CLDN10: variants seen among roughly 807,000 people sequenced by gnomAD.
CLDN10 encodes the protein claudin-10.
Under a neutral mutation model 22.9 loss-of-function variants are expected in CLDN10, and 15 were observed. The observed-to-expected ratio is 0.65, with a 90% confidence interval of 0.44 to 1.01. CLDN10 has a LOEUF of 1.01. Among genes scored for constraint, CLDN10 ranks in the 50% least tolerant of loss-of-function variants. CLDN10 has a pLI of 0.00. For synonymous variants in CLDN10, 114 were observed against 111.4 expected (o/e 1.02, Z -0.15); for missense variants, 247 against 287.8 (o/e 0.86, Z 1.03).
At chr13:95,510,653 T>C (rs1319189340) in intron 1 of CLDN10, among the ~76,000 whole-genome samples, 1 of 152,230 alleles carries the variant, frequency 6.6e-6, no homozygotes, top group African/African-American at 2.4e-5. Flanking sequence ...GGCTTAAGTA[T>C]ATACATATAA....
chr13:95,503,519 C>T (rs1434171355), intron 1 of CLDN10, among the ~76,000 whole-genome samples: 2 of 152,108 alleles, frequency 1.3e-5, no homozygotes, highest in African/African-American at 2.4e-5. Context: ...AAAGCAAGAT[C>T]TCAAAGAGAT....
chr13:95,532,938 A>G (rs1326568377), intron 1 of CLDN10, among the ~76,000 whole-genome samples: 1 of 152,064 alleles, frequency 6.6e-6, no homozygotes, highest in Non-Finnish European at 1.5e-5. Flanking sequence ...AATAGATAAA[A>G]CTAGTCTACT....
intron 1 of CLDN10, among the ~76,000 whole-genome samples, chr13:95,459,137 T>C (rs12864633): frequency 0.3 from 45,639 of 152,174 alleles, 8,440 homozygotes; most frequent in Non-Finnish European, 0.41. Context: ...TGGACAGCTC[T>C]GTTCCTGTGG....
chr13:95,490,326 A>T (rs2042859019), intron 1 of CLDN10, among the ~76,000 whole-genome samples: 1 of 152,118 alleles, frequency 6.6e-6, no homozygotes, highest in Non-Finnish European at 1.5e-5. Context: ...TCATTTTCAC[A>T]ATATTAATTC....
intron 1 of CLDN10, chr13:95,434,139 T>A: frequency 8.9e-7 from 1 of 1,122,082 alleles, no homozygotes; most frequent in Non-Finnish European, 1.3e-6. Flanking sequence ...CTGTTAACTC[T>A]CTGAAGACTG....
intron 1 of CLDN10, among the ~76,000 whole-genome samples, chr13:95,482,939 A>G (rs1481805204): frequency 6.6e-6 from 1 of 152,256 alleles, no homozygotes; most frequent in Non-Finnish European, 1.5e-5. Context: ...AGATCGTGCC[A>G]CTGTACTCCA....
At chr13:95,522,268 C>T (rs982897815) in intron 1 of CLDN10, among the ~76,000 whole-genome samples, 1 of 151,948 alleles carries the variant, frequency 6.6e-6, no homozygotes, top group East Asian at 1.9e-4. Flanking sequence ...ATGGTTATAA[C>T]TTTCCTCTAA....
rs2043985325 is a variant in CLDN10 at position 95,579,513 on chromosome 13, T to A, written c.*1499T>A. 1 of 152,246 alleles carries A rather than the reference T, an allele frequency of 6.6e-6. No individual in the cohort carries two copies. The highest frequency in any genetic ancestry group is 2.4e-5 in the African/African-American group (1 of 41,456). The allele number at this position is 152,246 out of a possible 1,614,324, so 9.4% of individuals were successfully genotyped here. On this transcript the variant is annotated 3_prime_UTR_variant, in exon 5 of 5. Coordinates refer to ENST00000299339, the MANE Select transcript of CLDN10 (RefSeq NM_006984.5). ...TAATTTGCCACAGTAATGTCGAAAC[T>A]AGGCCTTTGAACCAAGGCAGTCTAG...
chr13:95,560,203 C>T lies in CLDN10; in HGVS notation c.292C>T (p.Leu98Phe), dbSNP rs2043689204. Reference protein sequence around the residue: ...SLGFFGSIFALFGMKCTKVGG... With the variant: ...SLGFFGSIFAFFGMKCTKVGG... ...GGGCTTCTTTGGTTCCATATTTGCGCTCTTTGGAATGAAGTGTACCAAAGT... is the reference window on the plus strand; with the variant it reads ...GGGCTTCTTTGGTTCCATATTTGCGTTCTTTGGAATGAAGTGTACCAAAGT... The change falls in exon 2 of 5, where the codon CTC (leucine) becomes TTC (phenylalanine). Residue 98 changes from leucine to phenylalanine, a missense_variant. Leu to Phe is a conservative substitution (Grantham distance 22). Transcript: ENST00000299339. The T allele has an allele frequency of 6.2e-7, 1 of 1,614,190 alleles. No homozygotes were observed. Among genetic ancestry groups the T allele is most frequent in the Non-Finnish European group, 8.5e-7 (1 of 1,180,018 alleles).
chr13:95,525,641 A>G (rs964925190), intron 1 of CLDN10, among the ~76,000 whole-genome samples: 2 of 151,950 alleles, frequency 1.3e-5, no homozygotes, highest in Non-Finnish European at 2.9e-5. Context: ...ACAGGCGTGC[A>G]CCACCGCGCC....
At chr13:95,450,084 A>C (rs2042419792) in intron 1 of CLDN10, among the ~76,000 whole-genome samples, 1 of 152,040 alleles carries the variant, frequency 6.6e-6, no homozygotes, top group South Asian at 2.1e-4. Flanking sequence ...TATGTTGCCC[A>C]GGTAGGTCTT....
intron 1 of CLDN10, among the ~76,000 whole-genome samples, chr13:95,509,689 A>G (rs1009771725): frequency 2.0e-5 from 3 of 152,102 alleles, no homozygotes; most frequent in African/African-American, 7.2e-5. Context: ...GCTTTTCCCT[A>G]CGGTGATTCC....
intron 1 of CLDN10, among the ~76,000 whole-genome samples, chr13:95,533,095 C>G (rs2043362771): frequency 6.6e-6 from 1 of 151,372 alleles, no homozygotes. Context: ...TTATAAATTT[C>G]ATTGTATGTA....
intron 3 of CLDN10, among the ~76,000 whole-genome samples, chr13:95,564,725 A>G (rs1158907830): frequency 6.6e-6 from 1 of 152,228 alleles, no homozygotes; most frequent in Non-Finnish European, 1.5e-5. Flanking sequence ...CATTCCTGCT[A>G]TATGCAAGGA....
Position 95,526,047 on chromosome 13 carries a change from G to T in CLDN10, c.215-34085G>T, listed in dbSNP as rs1388611824. Among the ~76,000 whole-genome samples the T allele has an allele frequency of 3.3e-5, 5 of 152,066 alleles. No homozygotes were observed. In the East Asian group the frequency reaches 9.6e-4, roughly 29 times the overall value. ...AATGTTTTCGCACTTCTCTCTGGAA[G>T]ATATTGTTAACTTTGTCTTCTAAAC... On this transcript the variant is annotated intron_variant, in intron 1 of 4. Transcript: ENST00000376873.
At chr13:95,474,222 C>T (rs899358645) in intron 1 of CLDN10, among the ~76,000 whole-genome samples, 1 of 151,212 alleles carries the variant, frequency 6.6e-6, no homozygotes, top group Non-Finnish European at 1.5e-5. Context: ...GATCATCAGG[C>T]ATTAGATTCT....
At chr13:95,436,477 G>A (rs1043547699) in intron 1 of CLDN10, among the ~76,000 whole-genome samples, 7 of 152,166 alleles carry the variant, frequency 4.6e-5, no homozygotes, top group African/African-American at 7.2e-5. Context: ...GAGCCACCAC[G>A]CCTGCCAAAA....
chr13:95,518,262 T>C (rs2138579035), intron 1 of CLDN10, among the ~76,000 whole-genome samples: 1 of 152,318 alleles, frequency 6.6e-6, no homozygotes, highest in African/African-American at 2.4e-5. Context: ...TATTATCATG[T>C]CCTCACAGAG....
intron 1 of CLDN10, among the ~76,000 whole-genome samples, chr13:95,442,353 T>C (rs2042332232): frequency 6.6e-6 from 1 of 152,206 alleles, no homozygotes; most frequent in Admixed American, 6.5e-5. Context: ...CCTCTTAGAA[T>C]GCAAAGCCTG....
Sources: allele counts gnomAD v4.1 joint callset (sites outside exome capture counted in the v4.1 genomes callset), GRCh38; gene constraint gnomAD v4.1.1; transcripts MANE v1.5; gene names NCBI Gene and HGNC (gene_info 2026-07-23, HGNC 2026-07-21).